The following RBM45 variants were observed in gnomAD, a reference collection of about 807,000 sequenced individuals.
RBM45 encodes RNA binding motif protein 45.
A neutral mutation model predicts 58.5 loss-of-function variants in RBM45; 39 were observed. The observed-to-expected ratio is 0.67, with a 90% CI of 0.52 to 0.87. RBM45 has a LOEUF of 0.87. Ranked by LOEUF, RBM45 falls within the 40% of genes least tolerant of loss-of-function variation. The pLI is 0.00. For synonymous variants in RBM45, 193 were observed against 203.0 expected, an observed-to-expected ratio of 0.95 and a Z score of 0.42; for missense variants, 481 against 581.6, an observed-to-expected ratio of 0.83 and a Z score of 1.78.
At chr2:178,119,506 T>G (rs934664742) in intron 3 of RBM45, among the ~76,000 whole-genome samples, 1 of 152,228 alleles carries the variant, frequency 6.6e-6, no homozygotes, top group Non-Finnish European at 1.5e-5. Context: ...GAACCATATA[T>G]TGGAGGTTAG....
intron 4 of RBM45, 176 bp from the exon 5 acceptor site, chr2:178,121,004 G>A (rs910142246): frequency 4.9e-6 from 2 of 410,316 alleles, no homozygotes; most frequent in Admixed American, 4.3e-5. Context: ...GGGGAGTGGG[G>A]AGAGTTGTCT....
chr2:178,129,929 G>A (rs1040062285), downstream of RBM45, among the ~76,000 whole-genome samples: 1 of 152,054 alleles, frequency 6.6e-6, no homozygotes, highest in Admixed American at 6.6e-5. Context: ...TATATATGCA[G>A]CTTAACTGTT....
chr2:178,124,472 T>G (rs2087899661), intron 8 of RBM45, among the ~76,000 whole-genome samples, 182 bp downstream of exon 8: 1 of 152,328 alleles, frequency 6.6e-6, no homozygotes, highest in South Asian at 2.1e-4. Flanking sequence ...TGTTTATCAG[T>G]CACACATCCT....
downstream of RBM45, among the ~76,000 whole-genome samples, chr2:178,130,059 A>G (rs1023668386): frequency 7.9e-5 from 12 of 152,342 alleles, no homozygotes; most frequent in East Asian, 2.3e-3. Flanking sequence ...GCCAACAGTG[A>G]TAAAAAAATT....
In RBM45 at chr2:178,120,387, T is replaced by A. The variant is rs1161403979; in HGVS notation, c.651T>A (p.Pro217=). The A allele has an allele frequency of 6.2e-7, 1 of 1,612,164 alleles. No individual in the cohort carries two copies. The highest frequency in any genetic ancestry group is 8.5e-7 in the Non-Finnish European group (1 of 1,179,218). Residue 217 remains proline, a synonymous_variant, in exon 4 of 10, where the codon CCT becomes CCA. Transcript: ENST00000286070. ...GGCAAGAAGCTTTGGGACATGAACC[T>A]AGAGTAAATATGTTTCCATTTGGTA... ...NMRQEALGHE[P]RVNMFPFEQQ...
At chr2:178,113,589 G>C (rs2087733187) in intron 1 of RBM45, among the ~76,000 whole-genome samples, 1 of 152,194 alleles carries the variant, frequency 6.6e-6, no homozygotes, top group African/African-American at 2.4e-5. Context: ...AATGACACAT[G>C]GCAGGAAGGA....
At chr2:178,123,695 A>G (rs1284009789) in intron 6 of RBM45, 44 bp downstream of exon 6, 3 of 1,588,544 alleles carry the variant, frequency 1.9e-6, no homozygotes, top group East Asian at 4.5e-5. Flanking sequence ...CTTTGAGTGT[A>G]CATGATTGAT....
intron 3 of RBM45, among the ~76,000 whole-genome samples, chr2:178,135,785 A>G (rs1337572335): frequency 1.3e-5 from 2 of 152,242 alleles, no homozygotes; most frequent in African/African-American, 2.4e-5. Context: ...AAAGATAATA[A>G]TTATTAGTGT....
downstream of RBM45, among the ~76,000 whole-genome samples, chr2:178,131,223 T>C (rs2088001812): frequency 6.6e-6 from 1 of 152,240 alleles, no homozygotes; most frequent in Non-Finnish European, 1.5e-5. Context: ...TTTTCACAGA[T>C]TGGAATTAAA....
Position 178,112,590 on chromosome 2 carries a change from C to A in RBM45, c.44C>A (p.Pro15Gln). Reference protein sequence around the residue: ...GSSASGGGFRPGVDSLDEPPN... With the variant: ...GSSASGGGFRQGVDSLDEPPN... Reference sequence around the variant, plus strand: ...TCTGCGAGCGGCGGGGGCTTCCGCCCGGGCGTGGACAGCCTGGACGAACCG... The same window carrying A: ...TCTGCGAGCGGCGGGGGCTTCCGCCAGGGCGTGGACAGCCTGGACGAACCG... Residue 15 changes from proline (P) to glutamine (Q), a missense_variant, in exon 1 of 10, where the codon CCG becomes CAG. Coordinates refer to ENST00000286070, the MANE Select transcript of RBM45 (RefSeq NM_152945.4). 1 of 1,611,152 alleles carries A rather than the reference C, an allele frequency of 6.2e-7. No homozygotes were observed.
chr2:178,121,852 T>C (rs1023227186), intron 5 of RBM45, among the ~76,000 whole-genome samples: 1 of 152,200 alleles, frequency 6.6e-6, no homozygotes, highest in Non-Finnish European at 1.5e-5. Context: ...CTTCCAATTC[T>C]CAATGGAAGC....
At position 178,112,712 on chromosome 2, in the gene RBM45, G is replaced by A. The variant is rs745826707; in HGVS notation, c.166G>A (p.Val56Met). The A allele has an allele frequency of 3.1e-6, 5 of 1,614,258 alleles. No homozygotes were observed. The highest frequency in any genetic ancestry group is 4.2e-6 in the Non-Finnish European group (5 of 1,180,056). ...TTTTGGCGACATCCAGGACATCTGG[G>A]TGGTGCGGGACAAGCACACCAAGGA... ...SPFGDIQDIW[V>M]VRDKHTKESK... is the part of the protein sequence containing the mutation. Residue 56 changes from valine (V) to methionine (M), a missense_variant, in exon 1 of 10, where the codon GTG (valine) becomes ATG (methionine). Transcript: ENST00000286070.
In RBM45 at chr2:178,112,838, C is replaced by T. The variant is rs1179862171; in HGVS notation, c.292C>T (p.Pro98Ser). Residue 98 changes from proline to serine, a missense_variant, in exon 1 of 10, where the codon CCC (proline) becomes TCC (serine). Pro to Ser is a moderately conservative substitution (Grantham distance 74, BLOSUM62 -1). Coordinates refer to ENST00000286070, the MANE Select transcript of RBM45 (RefSeq NM_152945.4). ...GTGCCTCGGCCCCAACGACACCAAG[C>T]CCATCAAGGTGCGGGTGCCCGGGTC... ...GQCLGPNDTKPIKVFIAQSRS... is the reference protein window; with the variant it reads ...GQCLGPNDTKSIKVFIAQSRS... The T allele has an allele frequency of 1.2e-6, 2 of 1,603,582 alleles. No individual in the cohort carries two copies. Among genetic ancestry groups the T allele is most frequent in the Non-Finnish European group, 1.7e-6 (2 of 1,171,546 alleles).
intron 2 of RBM45, among the ~76,000 whole-genome samples, chr2:178,117,572 A>C (rs1374403221): frequency 6.6e-6 from 1 of 152,230 alleles, no homozygotes; most frequent in Admixed American, 6.5e-5. Flanking sequence ...AAGTAATAAT[A>C]GCTAATGTTC....
chr2:178,124,785 G>C, intron 8 of RBM45, among the ~76,000 whole-genome samples: 1 of 152,196 alleles, frequency 6.6e-6, no homozygotes, highest in South Asian at 2.1e-4. Flanking sequence ...CTGTACTCCA[G>C]CCTGGGTGAC....
chr2:178,125,623 T>C (rs1363314228), intron 8 of RBM45: 10 of 450,428 alleles, frequency 2.2e-5, no homozygotes, highest in Non-Finnish European at 4.0e-5. Context: ...TTAAGGAATT[T>C]GTTGTCACCA....
At chr2:178,118,622 G>A (rs1388716808) in intron 3 of RBM45, among the ~76,000 whole-genome samples, 1 of 152,050 alleles carries the variant, frequency 6.6e-6, no homozygotes, top group African/African-American at 2.4e-5. Context: ...GCTAACATAG[G>A]TAACTGATAT....
chr2:178,138,601 CTCATTTGCCCTT>C (rs1384689546), exon 4 of RBM45: 2 of 152,040 alleles, frequency 1.3e-5, no homozygotes, highest in Non-Finnish European at 2.9e-5. Flanking sequence ...CAATGTACTG[CTCATTTGCCCTT>C]TCTGGAAAAA....
chr2:178,123,434 A>G (rs965996725), intron 5 of RBM45, 88 bp from the exon 6 acceptor site: 5 of 1,358,764 alleles, frequency 3.7e-6, no homozygotes, highest in Middle Eastern at 2.8e-4. Context: ...AGAGTTCTAC[A>G]TGGTTTCATT....
Sources: allele counts gnomAD v4.1 joint callset (sites outside exome capture counted in the v4.1 genomes callset), GRCh38; gene constraint gnomAD v4.1.1; transcripts MANE v1.5; gene names NCBI Gene and HGNC (gene_info 2026-07-23, HGNC 2026-07-21).